LIFR: variants seen among roughly 807,000 people sequenced by gnomAD.
LIFR encodes the protein leukemia inhibitory factor receptor.
A neutral mutation model predicts 122.2 loss-of-function variants in LIFR; 84 were observed. The ratio of observed to expected loss-of-function variants is 0.69; its 90% CI spans 0.58 to 0.82. The LOEUF (loss-of-function observed/expected upper bound fraction) is 0.82, where lower values mean the gene tolerates loss of function less well. Ranked by LOEUF, LIFR falls within the 40% of genes least tolerant of loss-of-function variation. The probability of loss-of-function intolerance (pLI) is 0.00; values close to 1 mark genes in which losing one functional copy is unlikely to be tolerated. For synonymous variants in LIFR, 422 were observed against 434.7 expected, an observed-to-expected ratio of 0.97 and a Z score of 0.36; for missense variants, 1,294 against 1,311.6, an observed-to-expected ratio of 0.99 and a Z score of 0.21.
At position 38,563,653 on chromosome 5, in the gene LIFR, C is replaced by T. The variant is rs185068518; in HGVS notation, c.-20+31608G>A. ...ACATTGAACATTTATTAAGCACTTA[C>T]GGCATGCCAGGTACTGTGTACCAAC... On this transcript the variant is annotated intron_variant, in intron 1 of 19. Transcript: ENST00000263409. 7.2e-5 allele frequency among the ~76,000 whole-genome samples: 11 copies of T among 152,348 alleles called. 1 individual carries two copies. Among genetic ancestry groups the T allele is most frequent in the Admixed American group, 7.2e-4 (11 of 15,306 alleles).
chr5:38,540,584 G>A lies in LIFR; in HGVS notation c.-19-9918C>T, dbSNP rs1430598257. ...ATGAAATGACTGGAGCCATTCACAT[G>A]ACACAGGCTGGCGGGCAGCCCCTCG... On this transcript the variant is annotated intron_variant, in intron 1 of 19. Transcript: ENST00000453190. Among the ~76,000 whole-genome samples the A allele has an allele frequency of 2.6e-5, 4 of 152,306 alleles. No homozygotes were observed. The East Asian group carries it at 5.8e-4, about 22-fold the overall frequency.
intron 1 of LIFR, among the ~76,000 whole-genome samples, chr5:38,584,594 G>C (rs147518445): frequency 1.9e-3 from 293 of 152,120 alleles, no homozygotes; most frequent in Non-Finnish European, 3.6e-3. Flanking sequence ...ACTATGCTCC[G>C]TGAGTAAGCC....
At chr5:38,580,116 A>G (rs927064426) in intron 1 of LIFR, among the ~76,000 whole-genome samples, 5 of 152,222 alleles carry the variant, frequency 3.3e-5, no homozygotes, top group African/African-American at 1.2e-4. Context: ...AAATTAGTAT[A>G]AAAGTACTTA....
intron 1 of LIFR, among the ~76,000 whole-genome samples, chr5:38,542,631 T>C (rs186721204): frequency 3.5e-4 from 53 of 152,234 alleles, no homozygotes; most frequent in African/African-American, 1.3e-3. Flanking sequence ...GCTCTAGCTT[T>C]TTCATGCCAG....
chr5:38,558,927 A>T (rs1748725033), upstream of LIFR: 1 of 152,252 alleles, frequency 6.6e-6, no homozygotes, highest in South Asian at 2.1e-4. Context: ...CAGCATGTCC[A>T]GGCTGCCCTA....
In LIFR at chr5:38,496,424, A is replaced by G. The variant is rs1014211682; in HGVS notation, c.1843T>C (p.Ser615Pro). The change falls in exon 13 of 20, where the codon TCA (serine) becomes CCA (proline). Residue 615 changes from serine to proline, a missense_variant. Ser to Pro is a moderately conservative substitution (Grantham distance 74). Coordinates refer to ENST00000453190, the MANE Select transcript of LIFR (RefSeq NM_001127671.2). ...ISVVAKNSVGSSPPSKIASME... is the reference protein window; with the variant it reads ...ISVVAKNSVGPSPPSKIASME... ...CTCGCTATTTTGGAAGGTGGTGATG[A>G]GCCCACAGAATTTTTAGCCACTACG... 1.9e-6 allele frequency: 3 copies of G among 1,614,042 alleles called. No homozygotes were observed. Among genetic ancestry groups the G allele is most frequent in the African/African-American group, 1.3e-5 (1 of 74,944 alleles).
intron 1 of LIFR, among the ~76,000 whole-genome samples, chr5:38,568,354 A>G (rs1036830559): frequency 3.3e-5 from 5 of 152,196 alleles, no homozygotes; most frequent in Non-Finnish European, 4.4e-5. Context: ...ACAAGGGCCT[A>G]TGGGAGTTTC....
At chr5:38,530,182 C>A (rs1357009116) in intron 2 of LIFR, among the ~76,000 whole-genome samples, 2 of 152,180 alleles carry the variant, frequency 1.3e-5, no homozygotes, top group African/African-American at 4.8e-5. Context: ...GAAGCTTTTG[C>A]AGTGCCGGGG....
rs3729743 is a variant in LIFR, at chr5:38,493,803, G to A, written c.1886-18C>T. 4,463 of 1,604,856 alleles carry A rather than the reference G, an allele frequency of 2.8e-3. 82 individuals are homozygous for A. In the African/African-American group the frequency reaches 0.048, roughly 17 times the overall value. ...GAGATCATCTTCAATAAGAAAGGAG[G>A]ATATTTTACTGGCATTAAAAACAAT... On this transcript the variant is annotated intron_variant, in intron 13 of 19. Transcript: ENST00000453190.
intron 12 of LIFR, among the ~76,000 whole-genome samples, chr5:38,498,707 T>C (rs1448037661): frequency 3.9e-5 from 6 of 152,214 alleles, no homozygotes; most frequent in African/African-American, 1.2e-4. Flanking sequence ...GTAAATTGTA[T>C]AATCGTTGCT....
intron 5 of LIFR, among the ~76,000 whole-genome samples, chr5:38,517,856 CA>C (rs572954936): frequency 1.3e-3 from 20 of 15,036 alleles, no homozygotes; most frequent in African/African-American, 5.3e-3. Flanking sequence ...GACACTGTCT[CA>C]AAAAAAAAAA....
chr5:38,502,830 GTA>G (rs1745262617), intron 10 of LIFR, 31 bp from the exon 11 acceptor site: 6 of 1,183,572 alleles, frequency 5.1e-6, no homozygotes, highest in Non-Finnish European at 7.2e-6. Context: ...ATATATATAT[GTA>G]TATATTATGT....
intron 7 of LIFR, 27 bp from the exon 8 acceptor site, chr5:38,506,659 A>G: frequency 1.9e-6 from 3 of 1,586,146 alleles, no homozygotes; most frequent in Non-Finnish European, 2.6e-6. Flanking sequence ...GCAGGTACTT[A>G]TGATTACATA....
In LIFR at chr5:38,530,684, T is replaced by C. The variant is rs1486492372; in HGVS notation, c.-19-18A>G. Reference sequence around the variant, plus strand: ...AGTCAGTCCTAGGTTAGGAGAGGAATTCCAGATGGTGTTCAGATTGTTCTG... The same window carrying C: ...AGTCAGTCCTAGGTTAGGAGAGGAACTCCAGATGGTGTTCAGATTGTTCTG... On this transcript the variant is annotated intron_variant, in intron 1 of 19. Coordinates refer to ENST00000453190, the MANE Select transcript of LIFR (RefSeq NM_001127671.2). 9.9e-6 allele frequency: 16 copies of C among 1,609,390 alleles called. No homozygotes were observed. Among genetic ancestry groups the C allele is most frequent in the African/African-American group, 1.3e-5 (1 of 74,804 alleles).
intron 7 of LIFR, 70 bp from the exon 8 acceptor site, chr5:38,506,702 G>A (rs1227750022): frequency 1.8e-5 from 23 of 1,313,994 alleles, no homozygotes; most frequent in African/African-American, 2.9e-5. Flanking sequence ...TTTTATAAAC[G>A]TCAATGTTTT....
intron 1 of LIFR, among the ~76,000 whole-genome samples, chr5:38,545,718 G>A (rs950900412): frequency 5.9e-5 from 9 of 151,280 alleles, no homozygotes; most frequent in African/African-American, 1.5e-4. Flanking sequence ...AAAAATTCGC[G>A]GGGCATGGTG....
At chr5:38,578,060 G>C (rs996625487) in intron 1 of LIFR, among the ~76,000 whole-genome samples, 3 of 152,036 alleles carry the variant, frequency 2.0e-5, no homozygotes, top group Non-Finnish European at 2.9e-5. Context: ...TCCAAGGTGT[G>C]GTTAACAGAC....
Position 38,530,503 on chromosome 5 carries a change from T to C in LIFR, c.142+3A>G, listed in dbSNP as rs748848505. On this transcript the variant is annotated splice_donor_region_variant and intron_variant, in intron 2 of 19. Transcript: ENST00000453190. ...TCATTCTCTGGAAGGCTGATGCACT[T>C]ACCCTTTTTCTGGCTATTTACTTGA... 8 of 1,610,490 alleles carry C rather than the reference T, an allele frequency of 5.0e-6. No homozygotes were observed. In the African/African-American group the frequency reaches 8.0e-5, roughly 16 times the overall value.
chr5:38,563,788 AAC>A (rs1425975176), intron 1 of LIFR, among the ~76,000 whole-genome samples: 2 of 152,304 alleles, frequency 1.3e-5, no homozygotes, highest in Middle Eastern at 6.8e-3. Flanking sequence ...GGTTACTGAC[AAC>A]AGTGTGATTC....
Sources: gnomAD v4.1 joint callset for allele counts (sites outside exome capture counted in the v4.1 genomes callset) on GRCh38, gnomAD v4.1.1 for gene constraint, MANE v1.5 for transcripts, NCBI Gene and HGNC (gene_info 2026-07-23, HGNC 2026-07-21) for gene names.